CCDC171: variants seen among roughly 807,000 people sequenced by gnomAD.
The protein encoded by CCDC171 is coiled-coil domain-containing protein 171.
Under a neutral mutation model 168.2 loss-of-function variants are expected in CCDC171, and 177 were observed. The ratio of observed to expected loss-of-function variants is 1.05; its 90% CI spans 0.93 to 1.19. The LOEUF (loss-of-function observed/expected upper bound fraction) is 1.19. Among genes scored for constraint, CCDC171 ranks in the 50% most tolerant of loss-of-function variants. CCDC171 has a pLI of 0.00. For synonymous variants in CCDC171, 687 were observed against 540.8 expected, an observed-to-expected ratio of 1.27 and a Z score of -3.75; for missense variants, 1,991 against 1,539.0, an observed-to-expected ratio of 1.29 and a Z score of -4.91.
At chr9:16,066,359 T>A (rs1174002426), downstream of CCDC171, among the ~76,000 whole-genome samples, 1 of 152,166 alleles carries the variant, frequency 6.6e-6, no homozygotes, top group African/African-American at 2.4e-5. Flanking sequence ...GTCACAGAAG[T>A]ATAGATAAAG....
At chr9:15,781,569 G>T (rs770271690) in intron 20 of CCDC171, among the ~76,000 whole-genome samples, 1 of 152,016 alleles carries the variant, frequency 6.6e-6, no homozygotes, top group South Asian at 2.1e-4. Flanking sequence ...CCACCACCAC[G>T]CTCAGCTAAT....
chr9:16,003,812 C>T (rs773295606), intron 3 of CCDC171, among the ~76,000 whole-genome samples: 21 of 152,192 alleles, frequency 1.4e-4, no homozygotes, highest in African/African-American at 3.4e-4. Context: ...TTTCCCTTAA[C>T]TGCAAAGTAT....
intron 3 of CCDC171, among the ~76,000 whole-genome samples, chr9:15,572,229 T>C (rs1216713820): frequency 1.3e-5 from 2 of 152,234 alleles, no homozygotes; most frequent in Non-Finnish European, 2.9e-5. Context: ...TTCATATGTA[T>C]ATGCATATAG....
In CCDC171 at chr9:15,973,667, C is replaced by T. The variant is rs1831532681; in HGVS notation, c.*1831C>T. 1.3e-5 allele frequency: 2 copies of T among 152,218 alleles called. No individual in the cohort carries two copies. Among genetic ancestry groups the T allele is most frequent in the South Asian group, 4.1e-4 (2 of 4,822 alleles). The allele number at this position is 152,218 out of a possible 1,614,324, so 9.4% of individuals were successfully genotyped here. A position where few individuals can be genotyped will look rare whatever the true frequency, so the allele number is the denominator to read the frequency against. On this transcript the variant is annotated 3_prime_UTR_variant, in exon 26 of 26. Coordinates refer to ENST00000380701, the MANE Select transcript of CCDC171 (RefSeq NM_173550.4). ...AATTCAACTTGCAAATTTATTATAA[C>T]ATGGAAGTGCTATTTATTGTTTTTA...
chr9:15,614,880 A>G lies in CCDC171; in HGVS notation c.676-8387A>G, dbSNP rs141156354. 9.8e-5 allele frequency among the ~76,000 whole-genome samples: 15 copies of G among 152,324 alleles called. No individual in the cohort carries two copies. In the East Asian group the frequency reaches 1.9e-3, roughly 20 times the overall value. ...CCCCATCTAACTTAAGAAGTAGAAAATAGAAAAGCTGAATACTATGGATCA... is the reference window on the plus strand; with the variant it reads ...CCCCATCTAACTTAAGAAGTAGAAAGTAGAAAAGCTGAATACTATGGATCA... On this transcript the variant is annotated intron_variant, in intron 6 of 25. Coordinates refer to ENST00000380701, the MANE Select transcript of CCDC171 (RefSeq NM_173550.4).
Position 15,769,059 on chromosome 9 carries a change from A to G in CCDC171, c.2672-8541A>G, listed in dbSNP as rs555619520. On this transcript the variant is annotated intron_variant, in intron 18 of 25. Transcript: ENST00000380701. ...TTCTTCAGAAGTGAGATGCTCTCTT[A>G]TGTCTCCAGACATATGAGAAATAAC... is the stretch of plus-strand genomic sequence containing the variant. 3.9e-5 allele frequency among the ~76,000 whole-genome samples: 6 copies of G among 152,340 alleles called. No homozygotes were observed. The East Asian group carries it at 9.6e-4, about 24-fold the overall frequency.
At chr9:15,570,601 C>T (rs748654087) in intron 2 of CCDC171, among the ~76,000 whole-genome samples, 2 of 152,230 alleles carry the variant, frequency 1.3e-5, no homozygotes, top group East Asian at 1.9e-4. Context: ...TTGTGGCATG[C>T]TCTGTAGGGT....
In CCDC171 at chr9:15,740,788, C is replaced by A. The variant is rs578113564; in HGVS notation, c.2050-3485C>A. 9.9e-5 allele frequency among the ~76,000 whole-genome samples: 15 copies of A among 152,200 alleles called. 1 individual carries two copies. The South Asian group carries it at 3.1e-3, about 32-fold the overall frequency. Reference sequence around the variant, plus strand: ...TTCAATATGTGGTGGGGCTGTTCCCCTCTCATTCCTCTTCTTTTTCAGGGT... The same window carrying A: ...TTCAATATGTGGTGGGGCTGTTCCCATCTCATTCCTCTTCTTTTTCAGGGT... On this transcript the variant is annotated intron_variant, in intron 16 of 25. Transcript: ENST00000380701.
chr9:15,632,646 T>G (rs2132321776), intron 7 of CCDC171, among the ~76,000 whole-genome samples: 1 of 152,330 alleles, frequency 6.6e-6, no homozygotes, highest in South Asian at 2.1e-4. Flanking sequence ...ACCAATGACT[T>G]TCTTCACAGA....
chr9:16,045,966 T>A (rs1833653281), intron 1 of CCDC171, among the ~76,000 whole-genome samples: 1 of 152,134 alleles, frequency 6.6e-6, no homozygotes, highest in Non-Finnish European at 1.5e-5. Context: ...CTTGAGCCTA[T>A]TAGGAGGGAG....
chr9:15,979,185 T>G (rs987205299), intron 3 of CCDC171, among the ~76,000 whole-genome samples: 2 of 152,194 alleles, frequency 1.3e-5, no homozygotes, highest in African/African-American at 4.8e-5. Flanking sequence ...AATAGTTTTG[T>G]GGTGTGAATT....
At chr9:16,045,769 A>G (rs933515013) in intron 1 of CCDC171, among the ~76,000 whole-genome samples, 14 of 152,132 alleles carry the variant, frequency 9.2e-5, no homozygotes, top group African/African-American at 3.4e-4. Context: ...CATAAAACCA[A>G]TGAAAATATT....
At chr9:15,824,953 T>A (rs1270541617) in intron 21 of CCDC171, among the ~76,000 whole-genome samples, 1 of 152,220 alleles carries the variant, frequency 6.6e-6, no homozygotes, top group East Asian at 1.9e-4. Context: ...CAGACTTGGA[T>A]GATGGTGATG....
intron 3 of CCDC171, among the ~76,000 whole-genome samples, chr9:15,983,483 TGTG>T (rs1831870055): frequency 2.9e-5 from 1 of 34,112 alleles, no homozygotes; most frequent in Non-Finnish European, 6.1e-5. Flanking sequence ...TGATCAGTTG[TGTG>T]TGTGTGTGTG....
chr9:16,034,305 T>C (rs375850590), intron 6 of CCDC171, among the ~76,000 whole-genome samples: 119 of 152,288 alleles, frequency 7.8e-4, no homozygotes, highest in African/African-American at 2.6e-3. Context: ...AAAGATTTAA[T>C]GGTTTCAGGA....
At chr9:15,581,225 G>T (rs1360064911) in intron 4 of CCDC171, among the ~76,000 whole-genome samples, 1 of 152,110 alleles carries the variant, frequency 6.6e-6, no homozygotes, top group African/African-American at 2.4e-5. Flanking sequence ...ACTTACAAGG[G>T]ATGTGAAGGA....
At chr9:15,688,135 A>G (rs1242768285) in intron 10 of CCDC171, among the ~76,000 whole-genome samples, 1 of 105,300 alleles carries the variant, frequency 9.5e-6, no homozygotes, top group Non-Finnish European at 2.1e-5. Flanking sequence ...AAAAAAAAAA[A>G]AAAAGAAAGA....
At chr9:15,598,061 A>G (rs1222290228) in intron 6 of CCDC171, among the ~76,000 whole-genome samples, 1 of 151,980 alleles carries the variant, frequency 6.6e-6, no homozygotes, top group Non-Finnish European at 1.5e-5. Flanking sequence ...TAGTCTTGCT[A>G]GCGGTCTATC....
intron 7 of CCDC171, among the ~76,000 whole-genome samples, chr9:15,634,295 A>T (rs58171560): frequency 1.3e-5 from 2 of 152,156 alleles, no homozygotes; most frequent in Non-Finnish European, 2.9e-5. Flanking sequence ...TTCTTTGGAA[A>T]ATTTTTAAAC....
Sources: gnomAD v4.1 joint callset for allele counts (sites outside exome capture counted in the v4.1 genomes callset) on GRCh38, gnomAD v4.1.1 for gene constraint, MANE v1.5 for transcripts, NCBI Gene and HGNC (gene_info 2026-07-23, HGNC 2026-07-21) for gene names.